CEP85L: variants seen among roughly 807,000 people sequenced by gnomAD.
The protein encoded by CEP85L is centrosomal protein 85L.
In CEP85L, 60 loss-of-function variants were observed where a neutral mutation model predicts 100.3. That is an observed-to-expected ratio of 0.60 (90% CI 0.49 to 0.74). The LOEUF (loss-of-function observed/expected upper bound fraction) is 0.74, where lower values mean the gene tolerates loss of function less well. Ranked by LOEUF, CEP85L falls within the 30% of genes least tolerant of loss-of-function variation. The pLI, the probability that CEP85L is intolerant of heterozygous loss-of-function variation, is 0.00. For missense variants in CEP85L, 973 were observed against 936.2 expected, an observed-to-expected ratio of 1.04 and a Z score of -0.51; for synonymous variants, 319 against 322.7, an observed-to-expected ratio of 0.99 and a Z score of 0.12.
At chr6:118,519,921 T>C (rs1003945249) in intron 4 of CEP85L, among the ~76,000 whole-genome samples, 1 of 151,990 alleles carries the variant, frequency 6.6e-6, no homozygotes, top group Admixed American at 6.6e-5. Context: ...ATGTAAAAAT[T>C]CTTAACAAAT....
At chr6:118,547,165 T>C (rs1418965829) in intron 3 of CEP85L, among the ~76,000 whole-genome samples, 2 of 152,132 alleles carry the variant, frequency 1.3e-5, no homozygotes, top group Non-Finnish European at 2.9e-5. Context: ...GATTTAAGAA[T>C]TAATATTTTC....
chr6:118,594,680 C>A (rs1388248731), intron 2 of CEP85L, among the ~76,000 whole-genome samples: 1 of 151,694 alleles, frequency 6.6e-6, no homozygotes, highest in Non-Finnish European at 1.5e-5. Flanking sequence ...CATGGTGAAA[C>A]CCCATCTCTA....
intron 2 of CEP85L, among the ~76,000 whole-genome samples, chr6:118,601,097 G>A (rs976024973): frequency 6.6e-6 from 1 of 152,180 alleles, no homozygotes; most frequent in African/African-American, 2.4e-5. Context: ...TACACTTTAT[G>A]TAAGTTATTC....
At chr6:118,503,944 T>A (rs1775477659) in intron 5 of CEP85L, among the ~76,000 whole-genome samples, 1 of 151,876 alleles carries the variant, frequency 6.6e-6, no homozygotes, top group African/African-American at 2.4e-5. Context: ...CTGGACTTCA[T>A]TAAAATTAAA....
intron 2 of CEP85L, among the ~76,000 whole-genome samples, chr6:118,598,906 G>A (rs1053759524): frequency 3.9e-5 from 6 of 152,170 alleles, no homozygotes; most frequent in Non-Finnish European, 8.8e-5. Context: ...AACTGTTGGA[G>A]AGGGAAGTTA....
intron 3 of CEP85L, among the ~76,000 whole-genome samples, chr6:118,549,603 A>G (rs930294268): frequency 6.6e-6 from 1 of 151,830 alleles, no homozygotes; most frequent in Non-Finnish European, 1.5e-5. Flanking sequence ...ATAAAAAAAC[A>G]TAATTTTTGT....
intron 4 of CEP85L, among the ~76,000 whole-genome samples, chr6:118,521,209 T>C (rs1256334090): frequency 1.3e-5 from 2 of 152,214 alleles, no homozygotes; most frequent in Admixed American, 6.5e-5. Context: ...GGCTCTGAAA[T>C]AGCCTCTACA....
chr6:118,511,718 T>C (rs978675754), intron 4 of CEP85L, among the ~76,000 whole-genome samples: 2 of 152,130 alleles, frequency 1.3e-5, no homozygotes, highest in African/African-American at 2.4e-5. Context: ...AGAGAGCTTT[T>C]AAAGAATAAT....
At chr6:118,683,719 T>G (rs1482648824) in intron 1 of CEP85L, among the ~76,000 whole-genome samples, 1 of 152,196 alleles carries the variant, frequency 6.6e-6, no homozygotes, top group African/African-American at 2.4e-5. Context: ...GTAAAGCATA[T>G]AGTTAATTAA....
chr6:118,575,898 T>A (rs1406314872), intron 2 of CEP85L, among the ~76,000 whole-genome samples: 1 of 151,968 alleles, frequency 6.6e-6, no homozygotes, highest in Non-Finnish European at 1.5e-5. Context: ...TTGACTATAC[T>A]GAAATGCCCC....
intron 12 of CEP85L, among the ~76,000 whole-genome samples, chr6:118,465,877 A>C (rs948162849): frequency 6.6e-6 from 1 of 152,190 alleles, no homozygotes; most frequent in East Asian, 1.9e-4. Context: ...TTCAAGCTCA[A>C]CTAGAGCACT....
chr6:118,567,249 G>GTGTGTATATA (rs1173790079), intron 2 of CEP85L, among the ~76,000 whole-genome samples: 3 of 43,768 alleles, frequency 6.9e-5, no homozygotes, highest in African/African-American at 1.8e-4. Context: ...GTGTGTGTGT[G>GTGTGTATATA]TATATATATA....
chr6:118,511,163 C>A, intron 5 of CEP85L, 135 bp downstream of exon 5: 2 of 632,512 alleles, frequency 3.2e-6, no homozygotes, highest in South Asian at 2.0e-5. Context: ...ACACTCTTTG[C>A]CACACATATA....
chr6:118,527,635 C>G (rs1206325107), intron 3 of CEP85L, among the ~76,000 whole-genome samples: 1 of 151,992 alleles, frequency 6.6e-6, no homozygotes, highest in Non-Finnish European at 1.5e-5. Flanking sequence ...AACTGTGGCT[C>G]AAACAGGAAA....
chr6:118,632,526 A>G lies in CEP85L; in HGVS notation c.159T>C (p.His53=), dbSNP rs1167301294. 6.2e-7 allele frequency: 1 copy of G among 1,613,144 alleles called. No individual in the cohort carries two copies. The highest frequency in any genetic ancestry group is 8.5e-7 in the Non-Finnish European group (1 of 1,179,626). The change falls in exon 2 of 13, where the codon CAT becomes CAC. Residue 53 remains histidine, a synonymous_variant. Coordinates refer to ENST00000368491, the MANE Select transcript of CEP85L (RefSeq NM_001042475.3). ...CAGAAGCTATACTGTGTCTCCTGATATGGTTATTTCGATGGTTAGATGGAA... is the reference window on the plus strand; with the variant it reads ...CAGAAGCTATACTGTGTCTCCTGATGTGGTTATTTCGATGGTTAGATGGAA... The part of the protein sequence containing the change: ...TTVPSNHRNN[H]IRRHSIASDS...
chr6:118,614,596 C>A (rs561632037), intron 2 of CEP85L, among the ~76,000 whole-genome samples: 169 of 152,298 alleles, frequency 1.1e-3, no homozygotes, highest in African/African-American at 3.9e-3. Flanking sequence ...GTAATCCCAG[C>A]ACTTTGGGAG....
intron 3 of CEP85L, among the ~76,000 whole-genome samples, chr6:118,529,881 A>G (rs562000338): frequency 4.6e-5 from 7 of 152,214 alleles, no homozygotes; most frequent in African/African-American, 1.7e-4. Context: ...AATGAAGCAC[A>G]ATATAAATGT....
chr6:118,632,662 G>A (rs759455461), intron 1 of CEP85L, 51 bp from the exon 2 acceptor site: 2 of 1,490,468 alleles, frequency 1.3e-6, no homozygotes, highest in East Asian at 4.7e-5. Context: ...GTAGGCAGAA[G>A]ATTTTTTTTT....
chr6:118,485,093 T>A (rs1412763932), intron 6 of CEP85L, among the ~76,000 whole-genome samples: 1 of 152,194 alleles, frequency 6.6e-6, no homozygotes, highest in Non-Finnish European at 1.5e-5. Context: ...AAGTCAGATT[T>A]TCATGTACTT....
Sources: gnomAD v4.1 joint callset for allele counts (sites outside exome capture counted in the v4.1 genomes callset) on GRCh38, gnomAD v4.1.1 for gene constraint, MANE v1.5 for transcripts, NCBI Gene and HGNC (gene_info 2026-07-23, HGNC 2026-07-21) for gene names.